Variants in ADGRL3 observed in about 807,000 individuals in gnomAD.
ADGRL3 encodes the protein calcium-independent alpha-latrotoxin receptor 3.
Under a neutral mutation model 153.5 loss-of-function variants are expected in ADGRL3, and 62 were observed. That is an observed-to-expected ratio of 0.40 (90% CI 0.33 to 0.50). The LOEUF is 0.50. ADGRL3 is among the 20% of genes least tolerant of loss of function. ADGRL3 has a pLI of 0.47. For missense variants in ADGRL3, 1,641 were observed against 1,859.4 expected (o/e 0.88, Z 2.16); for synonymous variants, 710 against 672.5 (o/e 1.06, Z -0.86).
chr4:61,946,820 G>A (rs899395526), intron 15 of ADGRL3, 94 bp from the exon 16 acceptor site: 19 of 935,930 alleles, frequency 2.0e-5, no homozygotes, highest in Non-Finnish European at 3.0e-5. Flanking sequence ...TTTTTTGTGT[G>A]AATACATACT....
chr4:62,044,320 A>T, intron 24 of ADGRL3, 133 bp from the exon 25 acceptor site: 1 of 646,290 alleles, frequency 1.5e-6, no homozygotes, highest in Non-Finnish European at 2.8e-6. Flanking sequence ...TGTACTGCAA[A>T]CATGTAGTTG....
intron 1 of ADGRL3, among the ~76,000 whole-genome samples, chr4:61,271,407 C>G (rs1339519508): frequency 6.6e-6 from 1 of 151,834 alleles, no homozygotes; most frequent in Non-Finnish European, 1.5e-5. Context: ...GTACTTTAGA[C>G]CTTAAATGGA....
At position 61,653,835 on chromosome 4, in the gene ADGRL3, G is replaced by A. The variant is rs550209481; in HGVS notation, c.474-22991G>A. ...CAGTGACGAGGGACATGAAGTGGGC[G>A]CACATGGGTCACATACCTGCGCAGA... On this transcript the variant is annotated intron_variant, in intron 5 of 26. Coordinates refer to ENST00000683033, the MANE Select transcript of ADGRL3 (RefSeq NM_001387552.1). Among the ~76,000 whole-genome samples the A allele has an allele frequency of 1.1e-3, 165 of 152,248 alleles. 1 individual carries two copies. The highest frequency in any genetic ancestry group is 1.5e-3 in the Non-Finnish European group (99 of 68,014).
chr4:61,577,181 T>TGA lies in ADGRL3; in HGVS notation c.260-10036_260-10035dup, dbSNP rs919824487. 2.9e-5 allele frequency among the ~76,000 whole-genome samples: 4 copies of TGA among 139,706 alleles called. No individual in the cohort carries two copies. The East Asian group carries it at 9.3e-4, about 33-fold the overall frequency. The allele number at this position is 139,706 out of a possible 152,430, so 91.7% of individuals were successfully genotyped here. A position where few individuals can be genotyped will look rare whatever the true frequency, so the allele number is the denominator to read the frequency against. On this transcript the variant is annotated intron_variant, in intron 4 of 26. Coordinates refer to ENST00000683033, the MANE Select transcript of ADGRL3 (RefSeq NM_001387552.1). Reference sequence around the variant, plus strand: ...GTGTGTGTGTGTATGTGTGTGTGTGTGAGAGAGAGAGTGTGTGTGCATGTG... The same window carrying TGA: ...GTGTGTGTGTGTATGTGTGTGTGTGTGAGAGAGAGAGAGTGTGTGTGCATGTG...
At chr4:61,860,274 C>G (rs375763986) in intron 9 of ADGRL3, among the ~76,000 whole-genome samples, 11 of 152,196 alleles carry the variant, frequency 7.2e-5, no homozygotes, top group East Asian at 5.8e-4. Flanking sequence ...CTTAGGACAA[C>G]TGAACTGAAC....
At chr4:61,758,619 T>C (rs1185717117) in intron 8 of ADGRL3, among the ~76,000 whole-genome samples, 2 of 152,246 alleles carry the variant, frequency 1.3e-5, no homozygotes, top group Admixed American at 6.5e-5. Context: ...CTGATGGGTC[T>C]TGACTTTTTA....
chr4:61,686,374 T>C (rs1034732001), intron 6 of ADGRL3, among the ~76,000 whole-genome samples: 3 of 152,136 alleles, frequency 2.0e-5, no homozygotes, highest in Admixed American at 2.0e-4. Flanking sequence ...AAATGTAAAA[T>C]TGATTAAAAT....
intron 11 of ADGRL3, among the ~76,000 whole-genome samples, chr4:61,905,382 T>C (rs2098690399): frequency 6.6e-6 from 1 of 152,238 alleles, no homozygotes; most frequent in African/African-American, 2.4e-5. Context: ...GTATGAATTT[T>C]AATCACATTT....
intron 5 of ADGRL3, among the ~76,000 whole-genome samples, chr4:61,639,691 T>A (rs2093581775): frequency 6.6e-6 from 1 of 152,200 alleles, no homozygotes; most frequent in East Asian, 1.9e-4. Context: ...AAAATTTCAT[T>A]AAACAGGATT....
chr4:61,475,043 T>C (rs2098027437), intron 2 of ADGRL3, among the ~76,000 whole-genome samples: 1 of 152,158 alleles, frequency 6.6e-6, no homozygotes. Flanking sequence ...TTTAAGCTAA[T>C]CTAACAACTA....
chr4:61,637,393 T>C (rs1322473597), intron 5 of ADGRL3, among the ~76,000 whole-genome samples: 3 of 152,156 alleles, frequency 2.0e-5, no homozygotes, highest in Non-Finnish European at 2.9e-5. Context: ...GTAGAGATTA[T>C]AAATTTCTGT....
chr4:61,965,799 C>A (rs978729735), intron 17 of ADGRL3, among the ~76,000 whole-genome samples: 1 of 151,910 alleles, frequency 6.6e-6, no homozygotes, highest in African/African-American at 2.4e-5. Context: ...CTAAACTAAA[C>A]CATTTTGCCT....
In ADGRL3 at chr4:61,296,671, A is replaced by G. The variant is rs547606076; in HGVS notation, c.-239-86453A>G. On this transcript the variant is annotated intron_variant, in intron 1 of 26. Transcript: ENST00000683033. ...GTTGTCAGAAAATGTAAATAGCAAA[A>G]GGCTTTACCTGAAACTTCATTTGGA... is the stretch of plus-strand genomic sequence containing the variant. Among the ~76,000 whole-genome samples, 4 of 152,274 alleles carry G rather than the reference A, an allele frequency of 2.6e-5. No individual in the cohort carries two copies. The East Asian group carries it at 7.7e-4, about 29-fold the overall frequency.
chr4:61,229,294 A>G (rs767741844), intron 1 of ADGRL3, among the ~76,000 whole-genome samples: 1 of 152,210 alleles, frequency 6.6e-6, no homozygotes, highest in Non-Finnish European at 1.5e-5. Context: ...GAATGCTTAT[A>G]AAATAACCTA....
chr4:61,902,181 GC>G (rs1328169249), intron 11 of ADGRL3, among the ~76,000 whole-genome samples: 1 of 152,158 alleles, frequency 6.6e-6, no homozygotes, highest in Admixed American at 6.5e-5. Context: ...AGAAAATGTG[GC>G]CATGAAACTG....
intron 1 of ADGRL3, among the ~76,000 whole-genome samples, chr4:61,252,708 T>TCCCGG (rs1263146162): frequency 6.6e-6 from 1 of 150,462 alleles, no homozygotes; most frequent in Non-Finnish European, 1.5e-5. Flanking sequence ...TTTTTTTAAG[T>TCCCGG]CCCGGTAGCT....
Position 62,005,945 on chromosome 4 carries a change from T to TATAC in ADGRL3, c.3395+7688_3395+7691dup, listed in dbSNP as rs1425368777. ...TGCTAGTTTTTATTTTATTTATATA[T>TATAC]ATACATACATATATATACACATACA... On this transcript the variant is annotated intron_variant, in intron 21 of 26. Transcript: ENST00000683033. 3.3e-4 allele frequency among the ~76,000 whole-genome samples: 46 copies of TATAC among 139,938 alleles called. 1 individual carries two copies. The East Asian group carries it at 8.7e-3, about 27-fold the overall frequency. The allele number at this position is 139,938 out of a possible 152,430, so 91.8% of individuals were successfully genotyped here. A position where few individuals can be genotyped will look rare whatever the true frequency, so the allele number is the denominator to read the frequency against.
intron 6 of ADGRL3, among the ~76,000 whole-genome samples, chr4:61,690,187 A>G (rs1561068351): frequency 2.0e-5 from 3 of 152,140 alleles, no homozygotes; most frequent in Non-Finnish European, 2.9e-5. Flanking sequence ...GCTCACACCT[A>G]TAATACCAGC....
intron 24 of ADGRL3, among the ~76,000 whole-genome samples, chr4:62,040,710 G>T (rs1043416580): frequency 2.0e-5 from 3 of 152,020 alleles, no homozygotes; most frequent in African/African-American, 4.8e-5. Flanking sequence ...TTATTCTAGC[G>T]TTGGGAGACA....
Sources: gnomAD v4.1 joint callset for allele counts (sites outside exome capture counted in the v4.1 genomes callset) on GRCh38, gnomAD v4.1.1 for gene constraint, MANE v1.5 for transcripts, NCBI Gene and HGNC (gene_info 2026-07-23, HGNC 2026-07-21) for gene names.